ATP8A2: variants seen among roughly 807,000 people sequenced by gnomAD.
ATP8A2 encodes phospholipid-transporting ATPase IB.
A neutral mutation model predicts 165.6 loss-of-function variants in ATP8A2; 100 were observed. The observed-to-expected ratio is 0.60, with a 90% confidence interval of 0.51 to 0.71. The LOEUF (loss-of-function observed/expected upper bound fraction) is 0.71, where lower values mean the gene tolerates loss of function less well. Ranked by LOEUF, ATP8A2 falls within the 30% of genes least tolerant of loss-of-function variation. ATP8A2 has a pLI of 0.00. For synonymous variants in ATP8A2, 543 were observed against 548.8 expected (o/e 0.99, Z 0.15); for missense variants, 1,227 against 1,479.5 (o/e 0.83, Z 2.80).
At chr13:25,767,266 G>A (rs2044511578) in intron 25 of ATP8A2, among the ~76,000 whole-genome samples, 1 of 152,174 alleles carries the variant, frequency 6.6e-6, no homozygotes, top group Non-Finnish European at 1.5e-5. Context: ...TTGCTTATGT[G>A]GAGTTGACTA....
At chr13:25,909,009 G>T (rs1954030085) in intron 33 of ATP8A2, among the ~76,000 whole-genome samples, 1 of 152,054 alleles carries the variant, frequency 6.6e-6, no homozygotes, top group African/African-American at 2.4e-5. Context: ...TAAATTTTTA[G>T]GTTTGGTACC....
At chr13:25,573,131 G>C (rs145057660) in intron 18 of ATP8A2, among the ~76,000 whole-genome samples, 2,024 of 152,196 alleles carry the variant, frequency 0.013, 25 homozygotes, top group Admixed American at 0.043. Flanking sequence ...TTAAAAATGA[G>C]GTCTTTTTCC....
intron 2 of ATP8A2, among the ~76,000 whole-genome samples, chr13:25,490,551 T>C (rs1593392252): frequency 6.6e-6 from 1 of 152,116 alleles, no homozygotes; most frequent in Admixed American, 6.5e-5. Context: ...TGGGATGCAT[T>C]AGGGAGTGGT....
At chr13:25,575,815 T>C (rs537565716) in intron 19 of ATP8A2, among the ~76,000 whole-genome samples, 2 of 152,244 alleles carry the variant, frequency 1.3e-5, no homozygotes, top group African/African-American at 4.8e-5. Flanking sequence ...GTGTGCTTCA[T>C]CTTTTATTGG....
intron 25 of ATP8A2, among the ~76,000 whole-genome samples, chr13:25,721,688 C>T (rs1046387125): frequency 3.9e-5 from 6 of 152,222 alleles, no homozygotes; most frequent in Admixed American, 2.6e-4. Flanking sequence ...TAAATGGAAT[C>T]ATACATCATG....
chr13:25,639,189 A>C (rs1007489472), intron 24 of ATP8A2, among the ~76,000 whole-genome samples: 2 of 152,242 alleles, frequency 1.3e-5, no homozygotes, highest in Non-Finnish European at 2.9e-5. Flanking sequence ...AAGAAATTGC[A>C]TCAACTGGCA....
intron 1 of ATP8A2, among the ~76,000 whole-genome samples, chr13:25,381,777 G>A (rs939252943): frequency 1.3e-5 from 2 of 152,166 alleles, no homozygotes; most frequent in Non-Finnish European, 2.9e-5. Context: ...TGTGGCTGAA[G>A]AGCCCCAGGG....
At chr13:25,815,934 A>G (rs967269304) in intron 27 of ATP8A2, among the ~76,000 whole-genome samples, 1 of 152,238 alleles carries the variant, frequency 6.6e-6, no homozygotes, top group Non-Finnish European at 1.5e-5. Context: ...TACACAGACA[A>G]GGACAAATAT....
At chr13:25,802,333 T>C (rs1434593215) in intron 27 of ATP8A2, among the ~76,000 whole-genome samples, 1 of 152,188 alleles carries the variant, frequency 6.6e-6, no homozygotes, top group Non-Finnish European at 1.5e-5. Context: ...CTACATTCCC[T>C]GTCTTGATCA....
At chr13:25,647,976 A>G (rs1294747140) in intron 24 of ATP8A2, among the ~76,000 whole-genome samples, 2 of 152,118 alleles carry the variant, frequency 1.3e-5, no homozygotes, top group Non-Finnish European at 2.9e-5. Context: ...GACATGAGCC[A>G]CTGCACCCGG....
Position 25,372,503 on chromosome 13 carries a change from C to A in ATP8A2, c.76+215C>A, listed in dbSNP as rs1454436281. On this transcript the variant is annotated intron_variant, in intron 1 of 36. Transcript: ENST00000381655. The surrounding 1 kb of genome is among the most constrained non-coding windows in gnomAD (Gnocchi z 4.8). ...GGGGCCAAAAGGCTCCAGGCCGGGG[C>A]GAGGTGAGCGGCGGGCGTCAGAGAC... Among the ~76,000 whole-genome samples the A allele has an allele frequency of 1.3e-5, 2 of 152,148 alleles. No homozygotes were observed. Among genetic ancestry groups the A allele is most frequent in the East Asian group, 3.9e-4 (2 of 5,168 alleles).
chr13:25,744,751 T>G (rs144403152), intron 25 of ATP8A2, among the ~76,000 whole-genome samples: 1 of 152,316 alleles, frequency 6.6e-6, no homozygotes, highest in African/African-American at 2.4e-5. Context: ...AGGCATGTTG[T>G]GAAATTAAAA....
rs1957065900 is a variant in ATP8A2, at chr13:26,020,467, G to T, written c.*482G>T. 1 of 153,722 alleles carries T rather than the reference G, an allele frequency of 6.5e-6. No individual in the cohort carries two copies. The highest frequency in any genetic ancestry group is 1.4e-5 in the Non-Finnish European group (1 of 69,126). 9.5% of individuals were successfully genotyped at this position (153,722 alleles called of 1,614,324 possible). ...TGTAGGCAGGTTGCTCTCCTGCTTT[G>T]ATTCCTGTTTTGTGTGTAAAATTGG... is the stretch of plus-strand genomic sequence containing the variant. On this transcript the variant is annotated 3_prime_UTR_variant, in exon 37 of 37. Coordinates refer to ENST00000381655, the MANE Select transcript of ATP8A2 (RefSeq NM_016529.6).
chr13:25,482,291 A>G (rs2036228340), intron 2 of ATP8A2, among the ~76,000 whole-genome samples: 3 of 152,184 alleles, frequency 2.0e-5, no homozygotes. Flanking sequence ...TTGTTCCTTA[A>G]GTACCATTCA....
chr13:25,937,553 A>C (rs769981990), intron 33 of ATP8A2, among the ~76,000 whole-genome samples: 12 of 151,484 alleles, frequency 7.9e-5, no homozygotes, highest in Middle Eastern at 3.4e-3. Flanking sequence ...TTTAACAATT[A>C]AAAGGAACAA....
chr13:25,678,207 C>T (rs768393892), intron 24 of ATP8A2, among the ~76,000 whole-genome samples: 8 of 152,080 alleles, frequency 5.3e-5, no homozygotes, highest in Non-Finnish European at 1.0e-4. Flanking sequence ...CACTTGTTGC[C>T]TCTGTGGGGA....
chr13:25,890,161 CA>C (rs534796285), intron 33 of ATP8A2, among the ~76,000 whole-genome samples: 1 of 150,572 alleles, frequency 6.6e-6, no homozygotes, highest in African/African-American at 2.4e-5. Flanking sequence ...GACTCTGTCT[CA>C]AAAAAAAGAA....
rs114532582 is a variant in ATP8A2 at position 25,410,540 on chromosome 13, G to A, written c.76+38252G>A. Among the ~76,000 whole-genome samples, 3 of 152,192 alleles carry A rather than the reference G, an allele frequency of 2.0e-5. No individual in the cohort carries two copies. The South Asian group carries it at 6.2e-4, about 32-fold the overall frequency. On this transcript the variant is annotated intron_variant, in intron 1 of 36. Coordinates refer to ENST00000381655, the MANE Select transcript of ATP8A2 (RefSeq NM_016529.6). ...TCAGTTCATTCTAAACAAAGTAAAA[G>A]GATTAGTACCTTGTACAGCAGATCT... is the stretch of plus-strand genomic sequence containing the variant.
chr13:25,804,473 C>T (rs1020963769), intron 27 of ATP8A2, among the ~76,000 whole-genome samples: 1 of 151,976 alleles, frequency 6.6e-6, no homozygotes, highest in African/African-American at 2.4e-5. Flanking sequence ...AGTTTTGTAG[C>T]TTTATAAGTA....
Sources: gnomAD v4.1 joint callset for allele counts (sites outside exome capture counted in the v4.1 genomes callset) on GRCh38, gnomAD v4.1.1 for gene constraint, Gnocchi (gnomAD v3.1) non-coding constraint, MANE v1.5 for transcripts, NCBI Gene and HGNC (gene_info 2026-07-23, HGNC 2026-07-21) for gene names.